The following CNBD1 variants were observed in gnomAD, a reference collection of about 807,000 sequenced individuals.
CNBD1 encodes the protein cyclic nucleotide binding domain containing 1.
CNBD1 carries 71 observed loss-of-function variants against 54.4 expected under a neutral mutation model. The observed-to-expected ratio is 1.30, with a 90% CI of 1.08 to 1.59. CNBD1 has a LOEUF of 1.59. CNBD1 is among the 40% of genes most tolerant of loss of function. The pLI is 0.00. For synonymous variants in CNBD1, 182 were observed against 170.7 expected (o/e 1.07, Z -0.51); for missense variants, 659 against 518.0 (o/e 1.27, Z -2.64).
At position 87,340,249 on chromosome 8, in the gene CNBD1, G is replaced by A. The variant is rs765850215; in HGVS notation, c.1043-11436G>A. On this transcript the variant is annotated intron_variant, in intron 8 of 10. Transcript: ENST00000518476. ...TCTGCTGAGAAATCTGCTGATGGTC[G>A]TATGGAGGTTTCCTAGTAGGTGATA... 1.1e-4 allele frequency among the ~76,000 whole-genome samples: 16 copies of A among 152,272 alleles called. 1 individual carries two copies. The highest frequency in any genetic ancestry group is 5.9e-4 in the Admixed American group (9 of 15,294).
chr8:87,115,534 G>T (rs1025711241), intron 4 of CNBD1, among the ~76,000 whole-genome samples: 1 of 152,136 alleles, frequency 6.6e-6, no homozygotes, highest in Non-Finnish European at 1.5e-5. Flanking sequence ...GCAATGAGGA[G>T]TCCATACCTG....
intron 10 of CNBD1, among the ~76,000 whole-genome samples, chr8:87,368,640 AAG>A (rs1483322081): frequency 6.6e-6 from 1 of 151,884 alleles, no homozygotes; most frequent in Non-Finnish European, 1.5e-5. Context: ...CTATCTCAAA[AAG>A]AGAGGGAGAG....
At chr8:87,327,808 C>A (rs111525024) in intron 8 of CNBD1, among the ~76,000 whole-genome samples, 1 of 152,140 alleles carries the variant, frequency 6.6e-6, no homozygotes, top group African/African-American at 2.4e-5. Flanking sequence ...TGTTCCTATT[C>A]GGCCATCTTG....
intron 8 of CNBD1, among the ~76,000 whole-genome samples, chr8:87,294,313 C>G (rs1808836563): frequency 1.3e-5 from 2 of 152,124 alleles, no homozygotes; most frequent in African/African-American, 4.8e-5. Context: ...TGCTGACAGT[C>G]TATACATGTT....
At chr8:87,199,103 C>A (rs1813789015) in intron 4 of CNBD1, among the ~76,000 whole-genome samples, 1 of 152,136 alleles carries the variant, frequency 6.6e-6, no homozygotes, top group Non-Finnish European at 1.5e-5. Context: ...ATGGCCCAAG[C>A]CATTTGTGAG....
At chr8:87,343,969 C>T (rs1448343019) in intron 8 of CNBD1, among the ~76,000 whole-genome samples, 1 of 151,676 alleles carries the variant, frequency 6.6e-6, no homozygotes, top group Admixed American at 6.6e-5. Flanking sequence ...CCTATAAAAG[C>T]TCTAACAACT....
chr8:86,889,954 A>G (rs1314730381), intron 2 of CNBD1, among the ~76,000 whole-genome samples: 5 of 152,054 alleles, frequency 3.3e-5, no homozygotes, highest in Admixed American at 3.3e-4. Flanking sequence ...TATTGTCTGG[A>G]GAGCGGATTA....
chr8:87,115,133 G>A (rs1240283997), intron 4 of CNBD1, among the ~76,000 whole-genome samples: 1 of 152,138 alleles, frequency 6.6e-6, no homozygotes, highest in African/African-American at 2.4e-5. Flanking sequence ...AATATATTGA[G>A]CCATCAATAG....
In CNBD1 at chr8:87,233,682, C is replaced by T. The variant is rs187706759; in HGVS notation, c.578-3237C>T. ...GATAGTCTTGTTGTTTTTGCCAAGG[C>T]TGAACTTGAACTCCGGGGCTCAAGT... On this transcript the variant is annotated intron_variant, in intron 5 of 10. Coordinates refer to ENST00000518476, the MANE Select transcript of CNBD1 (RefSeq NM_173538.3). Among the ~76,000 whole-genome samples, 274 of 152,072 alleles carry T rather than the reference C, an allele frequency of 1.8e-3. 1 individual carries two copies. The highest frequency in any genetic ancestry group is 6.4e-3 in the African/African-American group (265 of 41,508).
intron 3 of CNBD1, 82 bp from the exon 4 acceptor site, chr8:86,939,514 A>G (rs1809611587): frequency 1.1e-6 from 1 of 935,622 alleles, no homozygotes; most frequent in African/African-American, 1.7e-5. Context: ...GTGCATTTAT[A>G]CTCCTGCAAT....
At chr8:86,908,756 C>A in intron 3 of CNBD1, among the ~76,000 whole-genome samples, 1 of 149,876 alleles carries the variant, frequency 6.7e-6, no homozygotes, top group African/African-American at 2.5e-5. Flanking sequence ...ATGAAATTAA[C>A]AATGTTGTGA....
At chr8:87,147,270 C>T (rs1307193833) in intron 4 of CNBD1, among the ~76,000 whole-genome samples, 1 of 151,994 alleles carries the variant, frequency 6.6e-6, no homozygotes, top group Non-Finnish European at 1.5e-5. Context: ...TGTAATACCC[C>T]CTAATTTCCA....
intron 6 of CNBD1, among the ~76,000 whole-genome samples, chr8:87,248,189 A>G (rs1243206497): frequency 6.6e-6 from 1 of 152,168 alleles, no homozygotes; most frequent in Non-Finnish European, 1.5e-5. Flanking sequence ...AGACTCATCA[A>G]TCTGGGTTGT....
intron 2 of CNBD1, among the ~76,000 whole-genome samples, chr8:87,424,420 T>A (rs1808006232): frequency 6.6e-6 from 1 of 152,184 alleles, no homozygotes; most frequent in Non-Finnish European, 1.5e-5. Context: ...TTTAGTGCTA[T>A]AAGTTTCCCT....
intron 8 of CNBD1, among the ~76,000 whole-genome samples, chr8:87,288,316 C>T (rs748898472): frequency 1.4e-4 from 22 of 151,904 alleles, no homozygotes; most frequent in Non-Finnish European, 2.5e-4. Context: ...ATGGTTTTGT[C>T]ACAGGTTTCC....
intron 4 of CNBD1, among the ~76,000 whole-genome samples, chr8:86,991,200 G>C (rs912915688): frequency 6.6e-6 from 1 of 152,032 alleles, no homozygotes; most frequent in African/African-American, 2.4e-5. Context: ...CTCTGTCTAC[G>C]ATTCCTAGTA....
chr8:86,984,292 A>T (rs1334744671), intron 4 of CNBD1, among the ~76,000 whole-genome samples: 1 of 152,202 alleles, frequency 6.6e-6, no homozygotes, highest in Non-Finnish European at 1.5e-5. Flanking sequence ...AAACACCTAG[A>T]TACCCAGGCA....
chr8:87,167,450 A>T (rs940179783), intron 4 of CNBD1, among the ~76,000 whole-genome samples: 1 of 151,246 alleles, frequency 6.6e-6, no homozygotes, highest in Non-Finnish European at 1.5e-5. Flanking sequence ...ACACTAGAAC[A>T]TTTTTTGTTG....
chr8:87,424,837 C>T (rs1445142757), intron 2 of CNBD1, among the ~76,000 whole-genome samples: 2 of 152,082 alleles, frequency 1.3e-5, no homozygotes, highest in Admixed American at 1.3e-4. Context: ...TTGTGGCATT[C>T]TCTGTATTTC....
Sources: gnomAD v4.1 joint callset for allele counts (sites outside exome capture counted in the v4.1 genomes callset) on GRCh38, gnomAD v4.1.1 for gene constraint, MANE v1.5 for transcripts, NCBI Gene and HGNC (gene_info 2026-07-23, HGNC 2026-07-21) for gene names.